The following CELF2 variants were observed in gnomAD, a reference collection of about 807,000 sequenced individuals.
CELF2 encodes CUGBP Elav-like family member 2.
In CELF2, 8 loss-of-function variants were observed where a neutral mutation model predicts 62.6. The observed-to-expected ratio is 0.13, with a 90% CI of 0.07 to 0.23. CELF2 has a LOEUF of 0.23. CELF2 is among the 10% of genes least tolerant of loss of function. The pLI is 1.00. For missense variants in CELF2, 333 were observed against 671.0 expected (o/e 0.50, Z 5.56); for synonymous variants, 258 against 250.0 (o/e 1.03, Z -0.30).
At position 11,165,694 on chromosome 10, in the gene CELF2, G is replaced by C. The variant is rs1326980040; in HGVS notation, c.271+12G>C. ...TCCGCAGAGTAAAGGTACAGAGCGCGGGGCGGGGGTCGCCAGGCGTCCAGG... is the reference window on the plus strand; with the variant it reads ...TCCGCAGAGTAAAGGTACAGAGCGCCGGGCGGGGGTCGCCAGGCGTCCAGG... On this transcript the variant is annotated intron_variant, in intron 2 of 12. Coordinates refer to ENST00000633077, the MANE Select transcript of CELF2 (RefSeq NM_001326342.2). The surrounding 1 kb of genome is among the most constrained non-coding windows in gnomAD (Gnocchi z 7.4). The C allele has an allele frequency of 1.9e-6, 3 of 1,604,598 alleles. No homozygotes were observed. The highest frequency in any genetic ancestry group is 2.2e-5 in the South Asian group (2 of 90,466).
intron 1 of CELF2, among the ~76,000 whole-genome samples, chr10:11,135,263 GT>G (rs2060251234): frequency 6.6e-6 from 1 of 152,206 alleles, no homozygotes; most frequent in South Asian, 2.1e-4. Context: ...CTCAGTACTT[GT>G]TTTAAAATAA....
At position 11,018,061 on chromosome 10, in the gene CELF2, C is replaced by A. The variant is rs369902773; in HGVS notation, c.-29C>A. ...CTCGGACGCGCGCAGAGCCGCCCCC[C>A]GCCGCTGCCGCCGCGTGCGCCCGCG... On this transcript the variant is annotated 5_prime_UTR_variant, in exon 1 of 13. Coordinates refer to ENST00000633077, the MANE Select transcript of CELF2 (RefSeq NM_001326342.2). The A allele has an allele frequency of 2.8e-5, 39 of 1,409,784 alleles. No homozygotes were observed. The African/African-American group carries it at 3.6e-4, about 13-fold the overall frequency. The allele number at this position is 1,409,784 out of a possible 1,614,324, so 87.3% of individuals were successfully genotyped here.
At chr10:11,275,402 C>G (rs2085673323) in intron 8 of CELF2, among the ~76,000 whole-genome samples, 1 of 152,184 alleles carries the variant, frequency 6.6e-6, no homozygotes, top group South Asian at 2.1e-4. Flanking sequence ...CAACGACTCT[C>G]TAGTCATTTG....
intron 1 of CELF2, among the ~76,000 whole-genome samples, chr10:11,138,433 G>A (rs1346924620): frequency 6.6e-6 from 1 of 152,172 alleles, no homozygotes; most frequent in Non-Finnish European, 1.5e-5. Context: ...GGCCATTGCT[G>A]TTCAAGACGG....
At chr10:11,096,685 C>A (rs1185368949) in intron 1 of CELF2, among the ~76,000 whole-genome samples, 1 of 152,044 alleles carries the variant, frequency 6.6e-6, no homozygotes, top group Non-Finnish European at 1.5e-5. Context: ...ATGACAAAAC[C>A]AAACCAAACA....
At chr10:11,182,787 A>G (rs1268707460) in intron 2 of CELF2, among the ~76,000 whole-genome samples, 1 of 152,212 alleles carries the variant, frequency 6.6e-6, no homozygotes. Context: ...TTAATGGAAC[A>G]GTCTTCCTTC....
At position 11,334,597 on chromosome 10, in the gene CELF2, C is replaced by CATGT. The variant is rs1434657700; in HGVS notation, c.*5545_*5546insTGTA. ...CCAAGATTTATACACTTTTTTCCTA[C>CATGT]AGTTCACCTCAGTAACTGCCTTTGG... On this transcript the variant is annotated 3_prime_UTR_variant, in exon 13 of 13. Coordinates refer to ENST00000633077, the MANE Select transcript of CELF2 (RefSeq NM_001326342.2). 6.6e-6 allele frequency: 1 copy of CATGT among 152,276 alleles called. No individual in the cohort carries two copies. 9.4% of individuals were successfully genotyped at this position (152,276 alleles called of 1,614,324 possible). A position where few individuals can be genotyped will look rare whatever the true frequency, so the allele number is the denominator to read the frequency against.
At chr10:11,228,638 G>C (rs780300257) in intron 3 of CELF2, among the ~76,000 whole-genome samples, 2 of 150,320 alleles carry the variant, frequency 1.3e-5, no homozygotes, top group African/African-American at 2.5e-5. Context: ...GGAAGCATTA[G>C]CCTAGATTTT....
At chr10:10,479,513 G>A in the CELF2 span, among the ~76,000 whole-genome samples, 1 of 152,124 alleles carries the variant, frequency 6.6e-6, no homozygotes, top group Non-Finnish European at 1.5e-5. Flanking sequence ...ATGGAAACGC[G>A]ATAAGTATCG....
At chr10:11,304,388 C>T (rs2094031979) in intron 9 of CELF2, among the ~76,000 whole-genome samples, 1 of 152,170 alleles carries the variant, frequency 6.6e-6, no homozygotes, top group Non-Finnish European at 1.5e-5. Flanking sequence ...CAGCAACTTT[C>T]CTAGTCCATT....
intron 1 of CELF2, among the ~76,000 whole-genome samples, chr10:10,906,724 T>TTC (rs1159511076): frequency 7.0e-6 from 1 of 142,898 alleles, no homozygotes; most frequent in East Asian, 2.0e-4. Flanking sequence ...TTTCTTTTTT[T>TTC]TTTTTTTTTT....
At chr10:10,924,612 A>C (rs571719921) in intron 2 of CELF2, among the ~76,000 whole-genome samples, 1 of 152,024 alleles carries the variant, frequency 6.6e-6, no homozygotes, top group Non-Finnish European at 1.5e-5. Flanking sequence ...ATCAGATGTC[A>C]TCTTGTACTG....
At chr10:11,057,152 G>A (rs2065453557) in intron 1 of CELF2, among the ~76,000 whole-genome samples, 1 of 152,154 alleles carries the variant, frequency 6.6e-6, no homozygotes, top group African/African-American at 2.4e-5. Flanking sequence ...AGAGGCAGCA[G>A]ATACAACCCC....
chr10:10,630,309 C>T, the CELF2 span, among the ~76,000 whole-genome samples: 1 of 152,134 alleles, frequency 6.6e-6, no homozygotes, highest in Admixed American at 6.5e-5. Context: ...GAAGACCGTC[C>T]AACAGTCCAC....
At position 11,046,216 on chromosome 10, in the gene CELF2, G is replaced by A. The variant is rs1188226619; in HGVS notation, c.74+28053G>A. On this transcript the variant is annotated intron_variant, in intron 1 of 12. Coordinates refer to ENST00000633077, the MANE Select transcript of CELF2 (RefSeq NM_001326342.2). This position sits in a 1 kb window ranked among gnomAD's most constrained non-coding sequence, Gnocchi z 4.6. ...CTTGTCTAACAACACCGAACGCTGG[G>A]CCCATCCCCAGACGTTCCGATTCAG... is the stretch of plus-strand genomic sequence containing the variant. 1.3e-5 allele frequency among the ~76,000 whole-genome samples: 2 copies of A among 152,160 alleles called. No homozygotes were observed. Among genetic ancestry groups the A allele is most frequent in the African/African-American group, 2.4e-5 (1 of 41,430 alleles).
chr10:10,936,200 A>G lies in CELF2; in HGVS notation c.89+16201A>G, dbSNP rs930942037. 3.9e-5 allele frequency among the ~76,000 whole-genome samples: 6 copies of G among 152,162 alleles called. No individual in the cohort carries two copies. Among genetic ancestry groups the G allele is most frequent in the South Asian group, 2.1e-4 (1 of 4,830 alleles). On this transcript the variant is annotated intron_variant, in intron 2 of 13. Coordinates refer to the CELF2 transcript ENST00000636488. This position sits in a 1 kb window ranked among gnomAD's most constrained non-coding sequence, Gnocchi z 4.0. ...ATAAAATAATAAAGAGAGAGAAAAG[A>G]AAGAAACAATAAGTCTTGCAGAGGT...
At chr10:11,257,034 G>A (rs61830914) in intron 4 of CELF2, among the ~76,000 whole-genome samples, 38,269 of 151,888 alleles carry the variant, frequency 0.25, 5,779 homozygotes, top group Non-Finnish European at 0.34. Flanking sequence ...CTCTAGAATC[G>A]GCTTCCTGTT....
chr10:10,550,605 A>G, the CELF2 span, among the ~76,000 whole-genome samples: 4 of 152,110 alleles, frequency 2.6e-5, no homozygotes, highest in Middle Eastern at 3.2e-3. Flanking sequence ...GGATCTTGCA[A>G]TGAGTTGATG....
rs2066745095 is a variant in CELF2, at chr10:11,165,319, T to C, written c.75-167T>C. ...GCCGCCGCCGAGGAGCAACTCATGG[T>C]GCCTCCGCTTTGTTTTAGTTCATCA... On this transcript the variant is annotated intron_variant, in intron 1 of 12. Transcript: ENST00000633077. This position sits in a 1 kb window ranked among gnomAD's most constrained non-coding sequence, Gnocchi z 7.4. The C allele has an allele frequency of 7.1e-7, 1 of 1,416,394 alleles. No homozygotes were observed. The highest frequency in any genetic ancestry group is 1.5e-5 in the African/African-American group (1 of 68,318). 87.7% of individuals were successfully genotyped at this position (1,416,394 alleles called of 1,614,324 possible). A position where few individuals can be genotyped will look rare whatever the true frequency, so the allele number is the denominator to read the frequency against.
Sources: allele counts gnomAD v4.1 joint callset (sites outside exome capture counted in the v4.1 genomes callset), GRCh38; gene constraint gnomAD v4.1.1; non-coding constraint Gnocchi (gnomAD v3.1); transcripts MANE v1.5; gene names NCBI Gene and HGNC (gene_info 2026-07-23, HGNC 2026-07-21).